The following LYPLA1 variants were observed in gnomAD, a reference collection of about 807,000 sequenced individuals.
LYPLA1 encodes the protein acyl-protein thioesterase 1.
A neutral mutation model predicts 34.0 loss-of-function variants in LYPLA1; 17 were observed. That is an observed-to-expected ratio of 0.50 (90% CI 0.34 to 0.75). LYPLA1 has a LOEUF of 0.75. LYPLA1 is among the 30% of genes least tolerant of loss of function. The probability of loss-of-function intolerance (pLI) is 0.01; values close to 1 mark genes in which losing one functional copy is unlikely to be tolerated. For missense variants in LYPLA1, 203 were observed against 288.8 expected (o/e 0.70, Z 2.15); for synonymous variants, 98 against 100.8 (o/e 0.97, Z 0.17).
At chr8:54,086,947 T>C (rs1392653176) in intron 2 of LYPLA1, among the ~76,000 whole-genome samples, 4 of 152,166 alleles carry the variant, frequency 2.6e-5, no homozygotes, top group East Asian at 1.9e-4. Context: ...TTATACACCA[T>C]GACCAGGAGA....
At chr8:54,068,021 A>G (rs1485655228) in intron 2 of LYPLA1, among the ~76,000 whole-genome samples, 2 of 151,942 alleles carry the variant, frequency 1.3e-5, no homozygotes, top group Non-Finnish European at 2.9e-5. Context: ...CTATTTTTCT[A>G]TTTCAACCCA....
chr8:54,077,439 C>A (rs907717011), intron 2 of LYPLA1, among the ~76,000 whole-genome samples: 2 of 152,156 alleles, frequency 1.3e-5, no homozygotes, highest in African/African-American at 2.4e-5. Context: ...ATCAAACCCT[C>A]AGAACATGCA....
intron 5 of LYPLA1, among the ~76,000 whole-genome samples, chr8:54,061,611 A>C (rs376587090): frequency 7.2e-5 from 11 of 152,086 alleles, no homozygotes; most frequent in African/African-American, 2.7e-4. Context: ...CTGTGTCTAC[A>C]AAAAGAAAAA....
chr8:54,054,044 G>A (rs1037354038), intron 6 of LYPLA1, among the ~76,000 whole-genome samples: 3 of 152,090 alleles, frequency 2.0e-5, no homozygotes, highest in South Asian at 2.1e-4. Context: ...ATAGTGGTGC[G>A]ATCTTGGCTC....
At chr8:54,092,571 G>A (rs1809381968) in intron 2 of LYPLA1, among the ~76,000 whole-genome samples, 2 of 152,168 alleles carry the variant, frequency 1.3e-5, no homozygotes, top group South Asian at 4.1e-4. Flanking sequence ...TGTACTGGAT[G>A]ATTCGAAGGT....
intron 2 of LYPLA1, among the ~76,000 whole-genome samples, chr8:54,098,516 T>A (rs1289481921): frequency 6.6e-6 from 1 of 152,030 alleles, no homozygotes; most frequent in African/African-American, 2.4e-5. Flanking sequence ...CCATCTCTAC[T>A]AAAAATACAA....
chr8:54,089,906 C>A (rs571814117), intron 2 of LYPLA1, among the ~76,000 whole-genome samples: 28 of 152,170 alleles, frequency 1.8e-4, no homozygotes, highest in Admixed American at 1.6e-3. Flanking sequence ...ACTATTGCTA[C>A]GGAATAAAAG....
At chr8:54,082,854 G>A (rs1360917142) in intron 2 of LYPLA1, among the ~76,000 whole-genome samples, 1 of 151,412 alleles carries the variant, frequency 6.6e-6, no homozygotes, top group Admixed American at 6.6e-5. Flanking sequence ...AGCCTCCCAA[G>A]TAGCTGGGAC....
chr8:54,086,189 G>A (rs1296723427), intron 2 of LYPLA1, among the ~76,000 whole-genome samples: 5 of 151,784 alleles, frequency 3.3e-5, no homozygotes, highest in East Asian at 1.9e-4. Context: ...GATTAAGGGC[G>A]GTGCAAGATG....
chr8:54,100,855 A>C (rs1810079443), intron 2 of LYPLA1, 53 bp downstream of exon 2: 1 of 1,460,696 alleles, frequency 6.8e-7, no homozygotes, highest in African/African-American at 1.4e-5. Context: ...GCGTAAACAA[A>C]AGTTGCATGA....
intron 2 of LYPLA1, among the ~76,000 whole-genome samples, chr8:54,094,035 C>T (rs778295054): frequency 6.6e-6 from 1 of 152,230 alleles, no homozygotes; most frequent in African/African-American, 2.4e-5. Context: ...AAACTTATTA[C>T]GGTCACAAAA....
At chr8:54,066,385 A>G (rs1388469654) in intron 2 of LYPLA1, among the ~76,000 whole-genome samples, 1 of 152,222 alleles carries the variant, frequency 6.6e-6, no homozygotes, top group African/African-American at 2.4e-5. Context: ...AGATATTTCC[A>G]CAGGGCTTCA....
At chr8:54,058,750 GT>G (rs796072929) in intron 5 of LYPLA1, among the ~76,000 whole-genome samples, 16 of 142,154 alleles carry the variant, frequency 1.1e-4, no homozygotes, top group East Asian at 2.1e-4. Context: ...AGCTAATTTT[GT>G]TTTTTTTTTT....
intron 2 of LYPLA1, among the ~76,000 whole-genome samples, chr8:54,084,671 CAG>C (rs1447568640): frequency 2.0e-5 from 3 of 151,900 alleles, no homozygotes; most frequent in South Asian, 4.2e-4. Flanking sequence ...AGAAAAAAAA[CAG>C]AGAAGACTCA....
chr8:54,098,363 T>C (rs1030929301), intron 2 of LYPLA1, among the ~76,000 whole-genome samples: 5 of 151,656 alleles, frequency 3.3e-5, no homozygotes, highest in South Asian at 2.1e-4. Context: ...CGGAATGAGA[T>C]TTCATCACAA....
At chr8:54,084,424 A>G (rs1808555289) in intron 2 of LYPLA1, among the ~76,000 whole-genome samples, 1 of 151,906 alleles carries the variant, frequency 6.6e-6, no homozygotes, top group East Asian at 1.9e-4. Flanking sequence ...TACAAAAACT[A>G]GCTGGGTGTG....
chr8:54,071,489 TG>T (rs1227833346), intron 2 of LYPLA1, among the ~76,000 whole-genome samples: 1 of 151,774 alleles, frequency 6.6e-6, no homozygotes. Flanking sequence ...ATATACAGGG[TG>T]GGGGCGTGGA....
downstream of LYPLA1, among the ~76,000 whole-genome samples, chr8:54,046,147 G>C (rs1379059003): frequency 1.3e-5 from 2 of 152,198 alleles, no homozygotes; most frequent in Admixed American, 6.5e-5. Context: ...TAAATAGGTA[G>C]AAACATTGAA....
chr8:54,082,528 A>AGGCT (rs1808397561), intron 2 of LYPLA1, among the ~76,000 whole-genome samples: 1 of 152,176 alleles, frequency 6.6e-6, no homozygotes, highest in Non-Finnish European at 1.5e-5. Context: ...TATGTTGCCC[A>AGGCT]GGCTGGTATC....
Sources: allele counts gnomAD v4.1 joint callset (sites outside exome capture counted in the v4.1 genomes callset), GRCh38; gene constraint gnomAD v4.1.1; transcripts MANE v1.5; gene names NCBI Gene and HGNC (gene_info 2026-07-23, HGNC 2026-07-21).